The following TPRG1 variants were observed in gnomAD, a reference collection of about 807,000 sequenced individuals.
TPRG1 encodes the protein tumor protein p63 regulated 1.
A neutral mutation model predicts 29.3 loss-of-function variants in TPRG1; 29 were observed. The observed-to-expected ratio is 0.99, with a 90% CI of 0.74 to 1.35. The LOEUF (loss-of-function observed/expected upper bound fraction) is 1.35. Among genes scored for constraint, TPRG1 ranks in the 40% most tolerant of loss-of-function variants. TPRG1 has a pLI of 0.00. For missense variants in TPRG1, 327 were observed against 335.0 expected (o/e 0.98, Z 0.19); for synonymous variants, 130 against 116.8 (o/e 1.11, Z -0.73).
chr3:189,299,626 A>AC (rs1237132157), intron 4 of TPRG1, among the ~76,000 whole-genome samples: 4 of 135,686 alleles, frequency 2.9e-5, no homozygotes, highest in Non-Finnish European at 6.5e-5. Context: ...TGAGTTGTGT[A>AC]TTTTTTTTTT....
chr3:189,040,165 A>T (rs1246849949), intron 4 of TPRG1, among the ~76,000 whole-genome samples: 1 of 152,140 alleles, frequency 6.6e-6, no homozygotes, highest in East Asian at 1.9e-4. Context: ...CATTTTTTAT[A>T]AGTCATGTTT....
chr3:189,294,085 A>T (rs965632259), intron 4 of TPRG1, among the ~76,000 whole-genome samples: 3 of 152,198 alleles, frequency 2.0e-5, no homozygotes, highest in African/African-American at 4.8e-5. Context: ...ATACTGTATG[A>T]AGGGCTAAGA....
chr3:189,249,681 A>G (rs1181376467), intron 4 of TPRG1, among the ~76,000 whole-genome samples: 1 of 151,984 alleles, frequency 6.6e-6, no homozygotes, highest in African/African-American at 2.4e-5. Context: ...CAGAGTAATC[A>G]TAGGTTTCTC....
At chr3:189,290,017 A>G (rs893542011) in intron 4 of TPRG1, among the ~76,000 whole-genome samples, 1 of 152,204 alleles carries the variant, frequency 6.6e-6, no homozygotes, top group African/African-American at 2.4e-5. Flanking sequence ...TGCAATAGGA[A>G]ACATAATTAT....
chr3:189,085,179 CTG>C (rs1243974260), intron 4 of TPRG1, among the ~76,000 whole-genome samples: 1 of 152,134 alleles, frequency 6.6e-6, no homozygotes, highest in Non-Finnish European at 1.5e-5. Context: ...GTACCGGGCT[CTG>C]TTACCAAGTG....
intron 3 of TPRG1, among the ~76,000 whole-genome samples, chr3:189,142,509 C>T (rs964026600): frequency 6.6e-6 from 1 of 152,116 alleles, no homozygotes; most frequent in Non-Finnish European, 1.5e-5. Context: ...ACTTTGTTCC[C>T]AGCTCTGATT....
At chr3:189,074,440 C>T (rs755369590) in intron 4 of TPRG1, among the ~76,000 whole-genome samples, 11 of 151,954 alleles carry the variant, frequency 7.2e-5, no homozygotes, top group Admixed American at 2.0e-4. Context: ...CTCCTGACCT[C>T]GTGATCTGCC....
chr3:189,058,300 C>T (rs1448690784), intron 4 of TPRG1, among the ~76,000 whole-genome samples: 1 of 152,158 alleles, frequency 6.6e-6, no homozygotes, highest in African/African-American at 2.4e-5. Context: ...GCTTTGCTCT[C>T]CTTAAATCCA....
upstream of TPRG1, among the ~76,000 whole-genome samples, chr3:189,099,845 C>A (rs1718980012): frequency 6.6e-6 from 1 of 152,132 alleles, no homozygotes; most frequent in African/African-American, 2.4e-5. Flanking sequence ...GTTGAGTTAT[C>A]TAGTCCTGTT....
At chr3:189,093,123 G>A (rs527675885) in intron 4 of TPRG1, among the ~76,000 whole-genome samples, 158 of 151,940 alleles carry the variant, frequency 1.0e-3, no homozygotes, top group African/African-American at 3.7e-3. Context: ...AGAGGACAGT[G>A]AATGGAGACA....
chr3:189,087,622 C>T (rs916210429), intron 4 of TPRG1, among the ~76,000 whole-genome samples: 12 of 152,022 alleles, frequency 7.9e-5, no homozygotes, highest in South Asian at 4.1e-4. Flanking sequence ...TTTTCTTCTG[C>T]GGTTTTTATG....
At chr3:189,126,897 C>A (rs1203938050) in intron 1 of TPRG1, among the ~76,000 whole-genome samples, 1 of 151,744 alleles carries the variant, frequency 6.6e-6, no homozygotes, top group Non-Finnish European at 1.5e-5. Flanking sequence ...TAATTGCTAA[C>A]CAGAAGTACA....
intron 1 of TPRG1, among the ~76,000 whole-genome samples, chr3:189,204,758 C>G (rs1322208226): frequency 6.6e-6 from 1 of 152,082 alleles, no homozygotes; most frequent in African/African-American, 2.4e-5. Context: ...CTTTCCTTCC[C>G]CAATGGCACA....
chr3:189,245,327 C>T (rs1034885435), intron 4 of TPRG1, among the ~76,000 whole-genome samples: 1 of 151,932 alleles, frequency 6.6e-6, no homozygotes, highest in Non-Finnish European at 1.5e-5. Context: ...TTAAACTTTC[C>T]TAATATGAAC....
chr3:189,074,729 T>C (rs1245024659), intron 4 of TPRG1, among the ~76,000 whole-genome samples: 1 of 152,242 alleles, frequency 6.6e-6, no homozygotes, highest in Non-Finnish European at 1.5e-5. Flanking sequence ...TTATGCTTTT[T>C]AAAATATCTT....
chr3:189,177,867 C>T (rs1729704413), intron 1 of TPRG1, among the ~76,000 whole-genome samples: 1 of 152,238 alleles, frequency 6.6e-6, no homozygotes, highest in Non-Finnish European at 1.5e-5. Context: ...GCTACTTCCT[C>T]TTTCCTCCAC....
At chr3:189,040,110 TC>T (rs1274154230) in intron 4 of TPRG1, among the ~76,000 whole-genome samples, 3 of 152,168 alleles carry the variant, frequency 2.0e-5, no homozygotes, top group Non-Finnish European at 4.4e-5. Flanking sequence ...AGGTTATAAC[TC>T]TTGGACCTAG....
chr3:189,172,867 C>G (rs889824625), intron 1 of TPRG1, among the ~76,000 whole-genome samples: 1 of 152,168 alleles, frequency 6.6e-6, no homozygotes, highest in Non-Finnish European at 1.5e-5. Context: ...ATGACACTCT[C>G]CAAATGTCAG....
chr3:189,092,237 C>T (rs551816396), intron 4 of TPRG1, among the ~76,000 whole-genome samples: 1 of 152,226 alleles, frequency 6.6e-6, no homozygotes, highest in African/African-American at 2.4e-5. Context: ...TACAAACCAC[C>T]TGTGGGATCT....
Sources: gnomAD v4.1 joint callset for allele counts (sites outside exome capture counted in the v4.1 genomes callset) on GRCh38, gnomAD v4.1.1 for gene constraint, MANE v1.5 for transcripts, NCBI Gene and HGNC (gene_info 2026-07-23, HGNC 2026-07-21) for gene names.